The following VPS13A variants were observed in gnomAD, a reference collection of about 807,000 sequenced individuals.
VPS13A encodes vacuolar protein sorting 13 homolog A.
In VPS13A, 264 loss-of-function variants were observed where a neutral mutation model predicts 390.9. The observed-to-expected ratio is 0.68, with a 90% confidence interval of 0.61 to 0.75. The LOEUF is 0.75. VPS13A is among the 30% of genes least tolerant of loss of function. VPS13A has a pLI of 0.00. For missense variants in VPS13A, 3,409 were observed against 3,733.9 expected, an observed-to-expected ratio of 0.91 and a Z score of 2.27; for synonymous variants, 1,231 against 1,227.1, an observed-to-expected ratio of 1.00 and a Z score of -0.07.
chr9:77,232,723 C>T (rs920654737), intron 17 of VPS13A, among the ~76,000 whole-genome samples: 4 of 152,094 alleles, frequency 2.6e-5, no homozygotes, highest in African/African-American at 4.8e-5. Flanking sequence ...CTTTATAAAA[C>T]CATCAGACCT....
chr9:77,382,209 A>C (rs1833481174), intron 68 of VPS13A, 122 bp downstream of exon 68: 4 of 1,363,098 alleles, frequency 2.9e-6, no homozygotes, highest in Non-Finnish European at 3.9e-6. Context: ...TTCCACTTAT[A>C]AGTTTCTTAT....
At chr9:77,394,532 T>TTAAATAAA (rs1834046480) in intron 68 of VPS13A, among the ~76,000 whole-genome samples, 2 of 152,180 alleles carry the variant, frequency 1.3e-5, no homozygotes, top group Non-Finnish European at 2.9e-5. Flanking sequence ...AGCAAGACCA[T>TTAAATAAA]GTCTCTAAAG....
Position 77,359,321 on chromosome 9 carries a change from T to C in VPS13A, c.8036-12T>C. On this transcript the variant is annotated splice_polypyrimidine_tract_variant and intron_variant, in intron 57 of 71. Transcript: ENST00000360280. ...AGCATCATGGGAGTAATTATATTTATAACCTTTACAGCACCAAAGCCCTTT... is the reference window on the plus strand; with the variant it reads ...AGCATCATGGGAGTAATTATATTTACAACCTTTACAGCACCAAAGCCCTTT... The C allele has an allele frequency of 6.2e-7, 1 of 1,612,118 alleles. No individual in the cohort carries two copies. Among genetic ancestry groups the C allele is most frequent in the Non-Finnish European group, 8.5e-7 (1 of 1,178,424 alleles).
chr9:77,183,307 G>A (rs1364406841), intron 1 of VPS13A, among the ~76,000 whole-genome samples: 1 of 152,216 alleles, frequency 6.6e-6, no homozygotes, highest in Non-Finnish European at 1.5e-5. Context: ...ATCATCACAT[G>A]ATAATGAACA....
chr9:77,304,766 A>AG (rs1828612445), intron 34 of VPS13A, among the ~76,000 whole-genome samples: 1 of 152,200 alleles, frequency 6.6e-6, no homozygotes, highest in Admixed American at 6.5e-5. Flanking sequence ...GATGAAAGTC[A>AG]AAAGTGTGTC....
intron 70 of VPS13A, among the ~76,000 whole-genome samples, chr9:77,406,634 C>T (rs1401449450): frequency 6.6e-6 from 1 of 151,788 alleles, no homozygotes; most frequent in Non-Finnish European, 1.5e-5. Flanking sequence ...CCAGTCTGGT[C>T]TTGAATTCCT....
At chr9:77,201,821 A>G (rs79186368) in intron 3 of VPS13A, among the ~76,000 whole-genome samples, 3,491 of 152,198 alleles carry the variant, frequency 0.023, 113 homozygotes, top group East Asian at 0.12. Context: ...CTGCTCTGCA[A>G]GTTTTTGTAT....
At chr9:77,382,603 T>C (rs775225003) in intron 68 of VPS13A, 85 of 1,061,058 alleles carry the variant, frequency 8.0e-5, no homozygotes, top group Non-Finnish European at 9.1e-5. Context: ...ATACCAGATA[T>C]ATAATCCTTA....
chr9:77,388,945 A>G (rs2131625726), intron 68 of VPS13A, among the ~76,000 whole-genome samples: 1 of 152,324 alleles, frequency 6.6e-6, no homozygotes, highest in Admixed American at 6.5e-5. Context: ...CCATTTGCTG[A>G]CATTGATTCT....
intron 41 of VPS13A, among the ~76,000 whole-genome samples, chr9:77,318,983 G>A (rs1390398573): frequency 6.6e-6 from 1 of 151,994 alleles, no homozygotes; most frequent in African/African-American, 2.4e-5. Context: ...CTTGAGCCCA[G>A]GAGTTCAAGA....
intron 68 of VPS13A, among the ~76,000 whole-genome samples, chr9:77,396,244 C>T (rs1254846662): frequency 6.6e-6 from 1 of 152,146 alleles, no homozygotes; most frequent in Non-Finnish European, 1.5e-5. Context: ...GACAACAATT[C>T]GTATCTCTTA....
chr9:77,328,076 T>G (rs993085830), intron 45 of VPS13A, among the ~76,000 whole-genome samples: 6 of 152,328 alleles, frequency 3.9e-5, no homozygotes, highest in Middle Eastern at 3.4e-3. Context: ...TATACAATGT[T>G]ACATATAATA....
intron 23 of VPS13A, among the ~76,000 whole-genome samples, chr9:77,270,817 A>G (rs1194966815): frequency 8.5e-5 from 13 of 152,256 alleles, no homozygotes; most frequent in African/African-American, 3.1e-4. Flanking sequence ...CCGGATTTCC[A>G]TGTGGAAAGT....
At chr9:77,375,676 C>G (rs1187861943) in intron 67 of VPS13A, among the ~76,000 whole-genome samples, 1 of 152,004 alleles carries the variant, frequency 6.6e-6, no homozygotes, top group Non-Finnish European at 1.5e-5. Flanking sequence ...GGTGGAAGAA[C>G]TTAATATTTT....
In VPS13A at chr9:77,226,435, T is replaced by G. The variant is rs752591546; in HGVS notation, c.1225-31T>G. ...TTCAGTTGCTAAATAAAGGATAATG[T>G]GTCATTTATTTGAAAATTTATTCAT... On this transcript the variant is annotated intron_variant, in intron 14 of 71. Transcript: ENST00000360280. 7 of 1,578,084 alleles carry G rather than the reference T, an allele frequency of 4.4e-6. No individual in the cohort carries two copies. In the Admixed American group the frequency reaches 1.2e-4, roughly 26 times the overall value.
At chr9:77,266,744 C>G (rs1826058256) in intron 23 of VPS13A, among the ~76,000 whole-genome samples, 1 of 152,068 alleles carries the variant, frequency 6.6e-6, no homozygotes, top group African/African-American at 2.4e-5. Context: ...TGGATAATAT[C>G]CTGAAGAGTG....
intron 68 of VPS13A, chr9:77,382,837 G>T: frequency 1.0e-6 from 1 of 985,368 alleles, no homozygotes; most frequent in Non-Finnish European, 1.2e-6. Context: ...ACAATAGACA[G>T]TTTGAAGTTA....
intron 10 of VPS13A, 65 bp downstream of exon 10, chr9:77,214,451 T>G: frequency 7.5e-7 from 1 of 1,327,986 alleles, no homozygotes. Context: ...AAATTAGCAT[T>G]GTTGCTATCA....
chr9:77,350,822 T>A (rs1233771454), intron 52 of VPS13A: 1 of 170,880 alleles, frequency 5.9e-6, no homozygotes, highest in African/African-American at 2.4e-5. Flanking sequence ...ATTTTATTAC[T>A]TGTTTGGTTT....
Sources: allele counts gnomAD v4.1 joint callset (sites outside exome capture counted in the v4.1 genomes callset), GRCh38; gene constraint gnomAD v4.1.1; transcripts MANE v1.5; gene names NCBI Gene and HGNC (gene_info 2026-07-23, HGNC 2026-07-21).